Variants in VPS13A observed in about 807,000 individuals in gnomAD.
The protein encoded by VPS13A is intermembrane lipid transfer protein VPS13A.
VPS13A carries 264 observed loss-of-function variants against 390.9 expected under a neutral mutation model. The observed-to-expected ratio is 0.68, with a 90% CI of 0.61 to 0.75. VPS13A has a LOEUF of 0.75. Ranked by LOEUF, VPS13A falls within the 30% of genes least tolerant of loss-of-function variation. The pLI is 0.00. For missense variants in VPS13A, 3,409 were observed against 3,733.9 expected (o/e 0.91, Z 2.27); for synonymous variants, 1,231 against 1,227.1 (o/e 1.00, Z -0.07).
intron 3 of VPS13A, among the ~76,000 whole-genome samples, chr9:77,201,723 A>G (rs1325018275): frequency 2.0e-5 from 3 of 152,070 alleles, no homozygotes; most frequent in Non-Finnish European, 4.4e-5. Context: ...CCACTGCTAT[A>G]TTTTGATTAA....
chr9:77,403,716 G>C (rs1347318207), intron 69 of VPS13A, among the ~76,000 whole-genome samples: 1 of 152,192 alleles, frequency 6.6e-6, no homozygotes, highest in Non-Finnish European at 1.5e-5. Flanking sequence ...GGATATACTA[G>C]TAGAAGCAGA....
At chr9:77,269,450 A>G (rs745837796) in intron 23 of VPS13A, among the ~76,000 whole-genome samples, 16 of 152,194 alleles carry the variant, frequency 1.1e-4, no homozygotes, top group Non-Finnish European at 1.6e-4. Flanking sequence ...ATTATACTAT[A>G]ACTTCATGTC....
intron 60 of VPS13A, 141 bp downstream of exon 60, chr9:77,365,714 TTTTTA>T (rs1200599588): frequency 1.8e-6 from 1 of 555,500 alleles, no homozygotes; most frequent in African/African-American, 1.9e-5. Flanking sequence ...CCCTTTTACA[TTTTTA>T]TTTATTTTTA....
intron 45 of VPS13A, 69 bp from the exon 46 acceptor site, chr9:77,331,941 A>G (rs1830296356): frequency 1.9e-6 from 2 of 1,031,716 alleles, no homozygotes; most frequent in African/African-American, 1.6e-5. Flanking sequence ...TTACATGGAC[A>G]TATTTTTTTT....
intron 67 of VPS13A, among the ~76,000 whole-genome samples, chr9:77,374,647 G>T (rs941651308): frequency 1.3e-5 from 2 of 152,178 alleles, no homozygotes; most frequent in African/African-American, 4.8e-5. Context: ...CAGAACTGTG[G>T]ATAAGCGGAT....
rs2131108280 is a variant in VPS13A, at chr9:77,201,426, T to G, written c.187+19T>G. ...CACATAGGTAAGCCATATTCATTATTGGGATATCCTCCTTCCTGGACATGC... is the reference window on the plus strand; with the variant it reads ...CACATAGGTAAGCCATATTCATTATGGGGATATCCTCCTTCCTGGACATGC... On this transcript the variant is annotated intron_variant, in intron 3 of 71. Coordinates refer to ENST00000360280, the MANE Select transcript of VPS13A (RefSeq NM_033305.3). 6.3e-7 allele frequency: 1 copy of G among 1,595,002 alleles called. No individual in the cohort carries two copies. The highest frequency in any genetic ancestry group is 8.6e-7 in the Non-Finnish European group (1 of 1,162,878).
intron 1 of VPS13A, 149 bp from the exon 2 acceptor site, chr9:77,199,796 G>A: frequency 1.7e-6 from 1 of 597,698 alleles, no homozygotes; most frequent in Non-Finnish European, 2.8e-6. Flanking sequence ...GAATGAAGGT[G>A]AGATAATAAG....
At chr9:77,276,791 G>A (rs1214321175) in intron 26 of VPS13A, among the ~76,000 whole-genome samples, 1 of 152,176 alleles carries the variant, frequency 6.6e-6, no homozygotes, top group Non-Finnish European at 1.5e-5. Context: ...CCACAATAAG[G>A]CATCAGATCC....
chr9:77,376,528 A>T (rs1427865697), intron 67 of VPS13A, among the ~76,000 whole-genome samples: 1 of 152,240 alleles, frequency 6.6e-6, no homozygotes, highest in Non-Finnish European at 1.5e-5. Context: ...GCATTAGTTG[A>T]TAAATTGGAT....
At chr9:77,317,139 A>G (rs1829445459) in intron 39 of VPS13A, among the ~76,000 whole-genome samples, 1 of 152,046 alleles carries the variant, frequency 6.6e-6, no homozygotes, top group African/African-American at 2.4e-5. Context: ...TTTTGATACA[A>G]TGAATACATA....
intron 23 of VPS13A, among the ~76,000 whole-genome samples, chr9:77,270,678 G>C (rs1826298978): frequency 3.3e-5 from 5 of 151,832 alleles, no homozygotes; most frequent in Admixed American, 3.3e-4. Flanking sequence ...GTGACAGAAG[G>C]AGAATCTGTC....
chr9:77,407,677 T>TA (rs751060541), intron 71 of VPS13A, 70 bp downstream of exon 71: 4 of 1,196,002 alleles, frequency 3.3e-6, no homozygotes, highest in African/African-American at 3.0e-5. Flanking sequence ...GACTATTTTT[T>TA]AATGCAGATA....
intron 23 of VPS13A, among the ~76,000 whole-genome samples, chr9:77,272,803 C>G (rs1826426286): frequency 6.6e-6 from 1 of 152,116 alleles, no homozygotes; most frequent in African/African-American, 2.4e-5. Flanking sequence ...TTGGAAAATT[C>G]AGATGTGTCT....
intron 46 of VPS13A, among the ~76,000 whole-genome samples, chr9:77,334,248 G>A (rs1830426685): frequency 6.6e-6 from 1 of 152,094 alleles, no homozygotes; most frequent in African/African-American, 2.4e-5. Context: ...TAAGTTCACA[G>A]TTAGATGGTT....
chr9:77,399,190 A>AAAAAAAAAAAAAAAAAAAAAG (rs1834261062), intron 68 of VPS13A, among the ~76,000 whole-genome samples: 1 of 140,522 alleles, frequency 7.1e-6, no homozygotes, highest in Non-Finnish European at 1.5e-5. Context: ...ATAAAAAAAA[A>AAAAAAAAAAAAAAAAAAAAAG]AAAAAAAAAA....
intron 17 of VPS13A, among the ~76,000 whole-genome samples, 166 bp from the exon 18 acceptor site, chr9:77,237,832 TAATC>T (rs895158054): frequency 3.3e-5 from 5 of 152,220 alleles, no homozygotes; most frequent in Non-Finnish European, 2.9e-5. Context: ...CTTTGTGAAT[TAATC>T]TATGTCAATT....
chr9:77,190,880 C>G (rs913679890), intron 1 of VPS13A, among the ~76,000 whole-genome samples: 1 of 152,140 alleles, frequency 6.6e-6, no homozygotes, highest in Non-Finnish European at 1.5e-5. Context: ...ATAATAGCCT[C>G]TAAGGATTTT....
intron 31 of VPS13A, among the ~76,000 whole-genome samples, chr9:77,289,124 G>A (rs1264791547): frequency 2.9e-4 from 44 of 152,060 alleles, no homozygotes; most frequent in Non-Finnish European, 2.9e-5. Flanking sequence ...TTGATGCAAA[G>A]TCTCACTGTG....
At chr9:77,317,361 T>A (rs1352147750) in intron 39 of VPS13A, among the ~76,000 whole-genome samples, 1 of 152,024 alleles carries the variant, frequency 6.6e-6, no homozygotes, top group East Asian at 1.9e-4. Context: ...TTGGAGACTG[T>A]GGTATTTTTT....
Sources: gnomAD v4.1 joint callset for allele counts (sites outside exome capture counted in the v4.1 genomes callset) on GRCh38, gnomAD v4.1.1 for gene constraint, MANE v1.5 for transcripts, NCBI Gene and HGNC (gene_info 2026-07-23, HGNC 2026-07-21) for gene names.